CNTN5: variants seen among roughly 807,000 people sequenced by gnomAD.
The protein encoded by CNTN5 is contactin-5.
A neutral mutation model predicts 129.1 loss-of-function variants in CNTN5; 77 were observed. That is an observed-to-expected ratio of 0.60 (90% confidence interval 0.50 to 0.72). The LOEUF (loss-of-function observed/expected upper bound fraction) is 0.72, where lower values mean the gene tolerates loss of function less well. Ranked by LOEUF, CNTN5 falls within the 30% of genes least tolerant of loss-of-function variation. The probability of loss-of-function intolerance (pLI) is 0.00; values close to 1 mark genes in which losing one functional copy is unlikely to be tolerated. For missense variants in CNTN5, 1,478 were observed against 1,328.8 expected (o/e 1.11, Z -1.75); for synonymous variants, 509 against 465.6 (o/e 1.09, Z -1.20).
chr11:99,912,772 G>A (rs1353746780), intron 6 of CNTN5, among the ~76,000 whole-genome samples: 1 of 151,566 alleles, frequency 6.6e-6, no homozygotes, highest in African/African-American at 2.4e-5. Context: ...AAAGGTCAGA[G>A]CAAAGACAAA....
intron 7 of CNTN5, among the ~76,000 whole-genome samples, chr11:99,918,436 A>G (rs1278033765): frequency 2.6e-5 from 4 of 152,218 alleles, no homozygotes; most frequent in African/African-American, 4.8e-5. Flanking sequence ...AATGTTAACT[A>G]GAATTTTTTT....
intron 2 of CNTN5, among the ~76,000 whole-genome samples, chr11:99,332,179 T>C (rs1286476229): frequency 2.0e-5 from 3 of 152,128 alleles, no homozygotes; most frequent in East Asian, 1.9e-4. Context: ...CAAATATGCA[T>C]TTTACTTTCC....
intron 3 of CNTN5, among the ~76,000 whole-genome samples, chr11:99,746,705 C>T (rs930563453): frequency 5.3e-5 from 8 of 152,168 alleles, no homozygotes; most frequent in Non-Finnish European, 1.0e-4. Flanking sequence ...CTCCACTGCC[C>T]TACGCCCTCT....
At chr11:99,023,132 A>G (rs1862956901) in intron 1 of CNTN5, among the ~76,000 whole-genome samples, 1 of 152,236 alleles carries the variant, frequency 6.6e-6, no homozygotes, top group Non-Finnish European at 1.5e-5. Context: ...GTGAGCAGTT[A>G]GTACTTCAAG....
At chr11:99,197,608 C>A (rs1858968433) in intron 1 of CNTN5, among the ~76,000 whole-genome samples, 1 of 152,058 alleles carries the variant, frequency 6.6e-6, no homozygotes, top group African/African-American at 2.4e-5. Context: ...AGATGCAGAT[C>A]CCTCAATAAC....
intron 8 of CNTN5, among the ~76,000 whole-genome samples, chr11:99,997,272 T>C (rs942577492): frequency 4.6e-5 from 7 of 152,224 alleles, no homozygotes; most frequent in Non-Finnish European, 1.0e-4. Flanking sequence ...TATCTTGCCT[T>C]CTGCTAGCTT....
At chr11:99,613,068 C>G (rs537686905) in intron 3 of CNTN5, among the ~76,000 whole-genome samples, 1 of 152,196 alleles carries the variant, frequency 6.6e-6, no homozygotes, top group African/African-American at 2.4e-5. Context: ...GGCTCAAGGT[C>G]TTTAGTCCAC....
intron 2 of CNTN5, among the ~76,000 whole-genome samples, chr11:99,345,750 G>C (rs1937806575): frequency 6.6e-6 from 1 of 152,128 alleles, no homozygotes; most frequent in Admixed American, 6.5e-5. Context: ...TTGTTGCTAT[G>C]CATATGTAAA....
At chr11:99,667,157 G>A in intron 3 of CNTN5, among the ~76,000 whole-genome samples, 1 of 151,932 alleles carries the variant, frequency 6.6e-6, no homozygotes, top group East Asian at 1.9e-4. Flanking sequence ...TTGAATCATA[G>A]TTGTTTTTTT....
intron 2 of CNTN5, among the ~76,000 whole-genome samples, chr11:99,353,487 C>A (rs916458796): frequency 8.5e-5 from 13 of 152,128 alleles, no homozygotes; most frequent in Admixed American, 5.9e-4. Context: ...TTTCACTGTA[C>A]CCTGCATTTA....
At chr11:99,156,208 G>GA (rs1209329962) in intron 1 of CNTN5, among the ~76,000 whole-genome samples, 3 of 151,856 alleles carry the variant, frequency 2.0e-5, no homozygotes, top group Non-Finnish European at 4.4e-5. Context: ...AATACAGTAA[G>GA]AAAAATCTTA....
At chr11:99,794,254 T>A (rs1945856446) in intron 3 of CNTN5, among the ~76,000 whole-genome samples, 1 of 152,130 alleles carries the variant, frequency 6.6e-6, no homozygotes, top group African/African-American at 2.4e-5. Context: ...CATTGCTTTT[T>A]TTTCTGTTTT....
intron 2 of CNTN5, among the ~76,000 whole-genome samples, chr11:99,405,235 C>T (rs1015658538): frequency 7.2e-5 from 11 of 152,032 alleles, no homozygotes; most frequent in Non-Finnish European, 1.5e-4. Context: ...TGTTTTATAA[C>T]CTTGCACTTG....
chr11:99,242,509 G>T (rs564009714), intron 1 of CNTN5, among the ~76,000 whole-genome samples: 3 of 151,612 alleles, frequency 2.0e-5, no homozygotes, highest in Non-Finnish European at 4.4e-5. Flanking sequence ...TTTTATGTTC[G>T]GAGGATACAT....
At chr11:99,387,663 G>A (rs1435744808) in intron 2 of CNTN5, among the ~76,000 whole-genome samples, 1 of 140,578 alleles carries the variant, frequency 7.1e-6, no homozygotes, top group Non-Finnish European at 1.6e-5. Context: ...TCTTTTTTCT[G>A]GACTCCTGCT....
In CNTN5 at chr11:99,819,703, C is replaced by T. The variant is rs201399847; in HGVS notation, c.215C>T (p.Ala72Val). 1.9e-6 allele frequency: 3 copies of T among 1,612,610 alleles called. No individual in the cohort carries two copies. In the East Asian group the frequency reaches 6.7e-5, roughly 36 times the overall value. The stretch of plus-strand genomic sequence containing the variant: ...GCTTCTTCACCCAGCTGGCTAGGGG[C>T]AGCTCAGAATTATTATTCCCCCATC... ...LSASSPSWLG[A>V]AQNYYSPINL... is the part of the protein sequence containing the mutation. The change falls in exon 4 of 25, where the codon GCA (alanine) becomes GTA (valine). Residue 72 changes from alanine (A) to valine (V), a missense_variant. Transcript: ENST00000524871.
chr11:100,224,905 T>C (rs1035359782), intron 16 of CNTN5, 93 bp downstream of exon 16: 5 of 1,184,340 alleles, frequency 4.2e-6, no homozygotes, highest in Non-Finnish European at 4.6e-6. Flanking sequence ...ACATCAGTAC[T>C]GTGCATTTTA....
intron 7 of CNTN5, among the ~76,000 whole-genome samples, chr11:99,920,251 T>C (rs1949903768): frequency 6.6e-6 from 1 of 152,182 alleles, no homozygotes; most frequent in Non-Finnish European, 1.5e-5. Context: ...TTCTTCTTAA[T>C]CTCCTTTGCT....
intron 1 of CNTN5, among the ~76,000 whole-genome samples, chr11:99,105,552 G>T (rs527365942): frequency 6.5e-4 from 99 of 152,186 alleles, no homozygotes; most frequent in African/African-American, 2.4e-3. Context: ...ACTCTTAAGA[G>T]ATCTTTTAAC....
Sources: allele counts gnomAD v4.1 joint callset (sites outside exome capture counted in the v4.1 genomes callset), GRCh38; gene constraint gnomAD v4.1.1; transcripts MANE v1.5; gene names NCBI Gene and HGNC (gene_info 2026-07-23, HGNC 2026-07-21).